ERCC6L2: variants seen among roughly 807,000 people sequenced by gnomAD.
ERCC6L2 encodes the protein ERCC excision repair 6 like 2, also known as DNA excision repair protein ERCC-6-like 2.
ERCC6L2 carries 77 observed loss-of-function variants against 132.0 expected under a neutral mutation model. The ratio of observed to expected loss-of-function variants is 0.58; its 90% CI spans 0.49 to 0.71. ERCC6L2 has a LOEUF of 0.71. ERCC6L2 is among the 30% of genes least tolerant of loss of function. The probability of loss-of-function intolerance (pLI) is 0.00; values close to 1 mark genes in which losing one functional copy is unlikely to be tolerated. For missense variants in ERCC6L2, 1,542 were observed against 1,837.6 expected (o/e 0.84, Z 2.94); for synonymous variants, 583 against 632.4 (o/e 0.92, Z 1.17).
chr9:95,949,646 A>C (rs956602130), intron 12 of ERCC6L2, among the ~76,000 whole-genome samples: 7 of 152,196 alleles, frequency 4.6e-5, no homozygotes, highest in Non-Finnish European at 1.0e-4. Flanking sequence ...CTGCCCTTCA[A>C]AAATGAGGGT....
chr9:96,031,660 G>C (rs1834462002), intron 19 of ERCC6L2, among the ~76,000 whole-genome samples: 1 of 152,264 alleles, frequency 6.6e-6, no homozygotes, highest in Non-Finnish European at 1.5e-5. Context: ...CCTGAGGGCA[G>C]TGACAGCTTG....
In ERCC6L2 at chr9:96,018,095, A is replaced by AG. The variant is rs1834219434; in HGVS notation, c.*4896dup. Among the ~76,000 whole-genome samples, 1 of 152,188 alleles carries AG rather than the reference A, an allele frequency of 6.6e-6. No homozygotes were observed. Among genetic ancestry groups the AG allele is most frequent in the Admixed American group, 6.5e-5 (1 of 15,280 alleles). On this transcript the variant is annotated 3_prime_UTR_variant, in exon 19 of 19. Coordinates refer to ENST00000653738, the MANE Select transcript of ERCC6L2 (RefSeq NM_020207.7). ...GCTAGACGCTGGAGGGAGGGGAGAA[A>AG]GGGGAGTTATTAATGGGTGTAGAGT...
At chr9:95,943,397 T>TAAATA (rs768756806) in intron 12 of ERCC6L2, among the ~76,000 whole-genome samples, 18 of 151,962 alleles carry the variant, frequency 1.2e-4, no homozygotes, top group Non-Finnish European at 2.1e-4. Flanking sequence ...GGGCAACAAC[T>TAAATA]AAAAGAGTGA....
chr9:95,962,139 G>A (rs913820379), intron 13 of ERCC6L2, among the ~76,000 whole-genome samples: 2 of 152,076 alleles, frequency 1.3e-5, no homozygotes, highest in Non-Finnish European at 2.9e-5. Context: ...GTTAACACAT[G>A]TGAAAAAATC....
At chr9:95,961,350 G>A (rs182903704) in intron 13 of ERCC6L2, among the ~76,000 whole-genome samples, 5 of 152,230 alleles carry the variant, frequency 3.3e-5, no homozygotes, top group Non-Finnish European at 5.9e-5. Context: ...GCCACCACAA[G>A]CCAAAGAATG....
At position 95,974,723 on chromosome 9, in the gene ERCC6L2, TG is replaced by T. The variant is rs1342192159; in HGVS notation, c.3337+1636del. ...TTTGGGCCTTTTCAGTGGCCAGATTTGTGTGTGTGTGTGTGTGTGTGTGTAT... is the reference window on the plus strand; with the variant it reads ...TTTGGGCCTTTTCAGTGGCCAGATTTTGTGTGTGTGTGTGTGTGTGTGTAT... On this transcript the variant is annotated intron_variant, in intron 16 of 18. Transcript: ENST00000653738. Among the ~76,000 whole-genome samples, 5 of 15,688 alleles carry T rather than the reference TG, an allele frequency of 3.2e-4. No homozygotes were observed. In the African/African-American group the frequency reaches 3.7e-3, roughly 12 times the overall value. The allele number at this position is 15,688 out of a possible 152,430, so 10.3% of individuals were successfully genotyped here.
Position 95,881,178 on chromosome 9 carries a change from T to C in ERCC6L2, c.356T>C (p.Ile119Thr), listed in dbSNP as rs1461160091. 6.2e-7 allele frequency: 1 copy of C among 1,613,270 alleles called. No individual in the cohort carries two copies. The highest frequency in any genetic ancestry group is 8.5e-7 in the Non-Finnish European group (1 of 1,179,750). ...SDNGDSIPYT[I>T]NRYLRDYQRE... ...AATGGAGACTCTATTCCTTATACCA[T>C]CAATAGGTATTTGAGAGACTACCAA... Residue 119 changes from isoleucine (I) to threonine (T), a missense_variant, in exon 2 of 19, where the codon ATC (isoleucine) becomes ACC (threonine). By Grantham distance (89) the Ile-to-Thr change is moderately conservative. This residue lies in a region of ERCC6L2 where 945 missense variants were observed against 1,105.2 expected (regional missense o/e 0.86). Transcript: ENST00000653738.
downstream of ERCC6L2, among the ~76,000 whole-genome samples, chr9:96,022,257 G>C: frequency 6.6e-6 from 1 of 152,152 alleles, no homozygotes; most frequent in East Asian, 1.9e-4. Context: ...CCGCTTCCCC[G>C]GGAGCCCGTT....
rs1426159970 is a variant in ERCC6L2, at chr9:95,875,713, T to G, written c.-326T>G. 1.2e-5 allele frequency: 5 copies of G among 407,336 alleles called. No individual in the cohort carries two copies. Among genetic ancestry groups the G allele is most frequent in the African/African-American group, 1.0e-4 (5 of 49,190 alleles). 25.2% of individuals were successfully genotyped at this position (407,336 alleles called of 1,614,324 possible). The stretch of plus-strand genomic sequence containing the variant: ...GTCAGAGCCTAGGAAGATTTGGGGG[T>G]CGCCTTGCCGGCCTCCTGTCCTCCT... On this transcript the variant is annotated 5_prime_UTR_variant, in exon 1 of 19. Coordinates refer to ENST00000653738, the MANE Select transcript of ERCC6L2 (RefSeq NM_020207.7).
At chr9:95,938,973 C>G (rs1260428152) in intron 11 of ERCC6L2, among the ~76,000 whole-genome samples, 2 of 135,824 alleles carry the variant, frequency 1.5e-5, no homozygotes, top group Non-Finnish European at 3.2e-5. Context: ...GGTGGTTGCT[C>G]TGGGTATTTA....
At chr9:96,039,420 G>C (rs1834553523) in intron 20 of ERCC6L2, among the ~76,000 whole-genome samples, 1 of 152,204 alleles carries the variant, frequency 6.6e-6, no homozygotes, top group Non-Finnish European at 1.5e-5. Context: ...AGAGAAGAGA[G>C]TGGAGTTTCC....
intron 3 of ERCC6L2, among the ~76,000 whole-genome samples, chr9:95,901,078 A>G (rs1355657146): frequency 6.6e-6 from 1 of 151,648 alleles, no homozygotes; most frequent in Admixed American, 6.6e-5. Flanking sequence ...TGTCTCAGAA[A>G]AAAAAAAAAA....
At chr9:95,936,034 AAAG>A (rs1192141726) in intron 11 of ERCC6L2, among the ~76,000 whole-genome samples, 3 of 152,180 alleles carry the variant, frequency 2.0e-5, no homozygotes, top group Non-Finnish European at 4.4e-5. Flanking sequence ...TCAGAAGACC[AAAG>A]AAGTAATACA....
rs1453856448 is a variant in ERCC6L2 at position 95,966,587 on chromosome 9, G to A, written c.1973G>A (p.Ser658Asn). The change falls in exon 14 of 19, where the codon AGT becomes AAT. Residue 658 changes from serine to asparagine, a missense_variant. This residue lies in a region of ERCC6L2 where 945 missense variants were observed against 1,105.2 expected (regional missense o/e 0.86). Coordinates refer to ENST00000653738, the MANE Select transcript of ERCC6L2 (RefSeq NM_020207.7). ...CAACTTCACTGTGTGGTGGTTGGAA[G>A]TGAAAATGCCAAACGATATTTTGAA... ...KQQLHCVVVG[S>N]ENAKRYFEAV... The A allele has an allele frequency of 6.6e-7, 1 of 1,520,684 alleles. No homozygotes were observed. Among genetic ancestry groups the A allele is most frequent in the South Asian group, 1.3e-5 (1 of 76,582 alleles). The allele number at this position is 1,520,684 out of a possible 1,614,324, so 94.2% of individuals were successfully genotyped here.
intron 17 of ERCC6L2, among the ~76,000 whole-genome samples, chr9:95,983,744 T>C (rs116816237): frequency 0.011 from 1,603 of 152,324 alleles, 34 homozygotes; most frequent in African/African-American, 0.036. Context: ...GGAATTACAG[T>C]ATTTCAGAAT....
At chr9:95,941,880 G>T (rs1433894579) in intron 12 of ERCC6L2, among the ~76,000 whole-genome samples, 1 of 152,174 alleles carries the variant, frequency 6.6e-6, no homozygotes, top group African/African-American at 2.4e-5. Context: ...TAGAATCTGT[G>T]ATCAGGGTAT....
At chr9:95,954,028 GA>G (rs1190248257) in intron 12 of ERCC6L2, among the ~76,000 whole-genome samples, 1 of 152,090 alleles carries the variant, frequency 6.6e-6, no homozygotes, top group Non-Finnish European at 1.5e-5. Flanking sequence ...GCTTTCCATG[GA>G]TTATCTCATT....
chr9:95,884,463 G>A (rs1224415284), intron 2 of ERCC6L2, among the ~76,000 whole-genome samples: 1 of 150,804 alleles, frequency 6.6e-6, no homozygotes, highest in Non-Finnish European at 1.5e-5. Context: ...TTTACTGTTT[G>A]AGCTATAGTT....
At chr9:95,878,898 G>T (rs1490352312) in intron 1 of ERCC6L2, among the ~76,000 whole-genome samples, 2 of 151,900 alleles carry the variant, frequency 1.3e-5, no homozygotes, top group African/African-American at 4.8e-5. Flanking sequence ...TCTTAATCCA[G>T]TCTATCATTG....
Sources: gnomAD v4.1 joint callset for allele counts (sites outside exome capture counted in the v4.1 genomes callset) on GRCh38, gnomAD v4.1.1 for gene constraint, gnomAD v4.1.1 regional missense constraint, MANE v1.5 for transcripts, NCBI Gene and HGNC (gene_info 2026-07-23, HGNC 2026-07-21) for gene names.